Variants in NKAIN2 observed in about 807,000 individuals in gnomAD.
The protein encoded by NKAIN2 is sodium/potassium-transporting ATPase subunit beta-1-interacting protein 2.
NKAIN2 carries 14 observed loss-of-function variants against 32.6 expected under a neutral mutation model. The ratio of observed to expected loss-of-function variants is 0.43; its 90% confidence interval spans 0.28 to 0.67. The LOEUF (loss-of-function observed/expected upper bound fraction) is 0.67, where lower values mean the gene tolerates loss of function less well. Ranked by LOEUF, NKAIN2 falls within the 30% of genes least tolerant of loss-of-function variation. The pLI, the probability that NKAIN2 is intolerant of heterozygous loss-of-function variation, is 0.17. For missense variants in NKAIN2, 198 were observed against 258.3 expected (o/e 0.77, Z 1.60); for synonymous variants, 80 against 87.2 (o/e 0.92, Z 0.46).
At chr6:124,045,439 G>C (rs1477767415) in intron 1 of NKAIN2, among the ~76,000 whole-genome samples, 4 of 151,982 alleles carry the variant, frequency 2.6e-5, no homozygotes, top group African/African-American at 9.7e-5. Flanking sequence ...ATAAGAACTG[G>C]TCTGTTTTAC....
chr6:124,148,538 C>A (rs1349558703), intron 1 of NKAIN2, among the ~76,000 whole-genome samples: 2 of 151,226 alleles, frequency 1.3e-5, no homozygotes. Flanking sequence ...ACTATTTTTT[C>A]TTCTTAAAAA....
At chr6:124,694,366 C>T (rs1774394976) in intron 4 of NKAIN2, among the ~76,000 whole-genome samples, 1 of 152,212 alleles carries the variant, frequency 6.6e-6, no homozygotes, top group African/African-American at 2.4e-5. Context: ...ATCCACCCCC[C>T]AACCCTTTCA....
At chr6:123,854,385 C>T (rs1562221038) in intron 1 of NKAIN2, among the ~76,000 whole-genome samples, 1 of 152,142 alleles carries the variant, frequency 6.6e-6, no homozygotes, top group Non-Finnish European at 1.5e-5. Flanking sequence ...ACATATGCTG[C>T]ATGCCAAGTT....
At chr6:124,493,706 A>ACC (rs145974986) in intron 3 of NKAIN2, among the ~76,000 whole-genome samples, 1,249 of 98,178 alleles carry the variant, frequency 0.013, 33 homozygotes, top group African/African-American at 0.049. Flanking sequence ...CTGCACACCA[A>ACC]CCCCCCCCTC....
At chr6:124,245,626 T>G (rs1793357327) in intron 1 of NKAIN2, among the ~76,000 whole-genome samples, 1 of 152,058 alleles carries the variant, frequency 6.6e-6, no homozygotes, top group African/African-American at 2.4e-5. Context: ...TAAAATTAAC[T>G]TTCTCTGAAA....
chr6:124,321,739 T>A (rs1484380462), intron 2 of NKAIN2, among the ~76,000 whole-genome samples: 2 of 152,166 alleles, frequency 1.3e-5, no homozygotes, highest in Admixed American at 6.5e-5. Context: ...TTGCAGTTCA[T>A]CCCTGGACTT....
chr6:124,225,356 C>A (rs917637460), intron 1 of NKAIN2, among the ~76,000 whole-genome samples: 1 of 151,964 alleles, frequency 6.6e-6, no homozygotes, highest in African/African-American at 2.4e-5. Flanking sequence ...AAGTTTCATA[C>A]AAAGATATTC....
chr6:124,184,737 C>G (rs76997564), intron 1 of NKAIN2, among the ~76,000 whole-genome samples: 1 of 152,064 alleles, frequency 6.6e-6, no homozygotes, highest in Non-Finnish European at 1.5e-5. Context: ...TGAAAAACAT[C>G]CCAGATCAAC....
intron 4 of NKAIN2, among the ~76,000 whole-genome samples, chr6:124,703,224 A>G (rs1774888129): frequency 6.6e-6 from 1 of 152,006 alleles, no homozygotes; most frequent in African/African-American, 2.4e-5. Context: ...TACTCTGGGA[A>G]TTTTCAAAAG....
At chr6:123,830,039 G>T (rs1170670399) in intron 1 of NKAIN2, among the ~76,000 whole-genome samples, 1 of 152,130 alleles carries the variant, frequency 6.6e-6, no homozygotes, top group African/African-American at 2.4e-5. Flanking sequence ...AACCTTAAAT[G>T]TTAGGGAAAT....
chr6:124,541,294 T>G (rs17051959), intron 3 of NKAIN2, among the ~76,000 whole-genome samples: 2,109 of 152,256 alleles, frequency 0.014, 47 homozygotes, highest in African/African-American at 0.048. Context: ...AAATATTGAG[T>G]GTTTTGGTCA....
At chr6:123,952,587 T>C (rs1362048030) in intron 1 of NKAIN2, among the ~76,000 whole-genome samples, 1 of 152,202 alleles carries the variant, frequency 6.6e-6, no homozygotes, top group African/African-American at 2.4e-5. Flanking sequence ...TAAAACATTC[T>C]TTTTAATTTG....
At chr6:124,297,442 T>C (rs1484268543) in intron 2 of NKAIN2, among the ~76,000 whole-genome samples, 1 of 152,132 alleles carries the variant, frequency 6.6e-6, no homozygotes, top group Non-Finnish European at 1.5e-5. Flanking sequence ...ATCTTCATGT[T>C]GAGTAGGCTG....
At chr6:124,625,169 C>T (rs946623692) in intron 3 of NKAIN2, among the ~76,000 whole-genome samples, 3 of 70,906 alleles carry the variant, frequency 4.2e-5, no homozygotes, top group Non-Finnish European at 8.3e-5. Flanking sequence ...CACTTAATTA[C>T]AATAATTATC....
At chr6:124,338,081 G>A (rs1194570078) in intron 2 of NKAIN2, among the ~76,000 whole-genome samples, 2 of 152,060 alleles carry the variant, frequency 1.3e-5, no homozygotes, top group African/African-American at 2.4e-5. Flanking sequence ...CTTATCACAA[G>A]GGGAAAGGAC....
At chr6:124,260,663 A>G (rs1389201963) in intron 1 of NKAIN2, among the ~76,000 whole-genome samples, 1 of 152,132 alleles carries the variant, frequency 6.6e-6, no homozygotes, top group African/African-American at 2.4e-5. Context: ...CTGACATGGG[A>G]AGCCACTGGA....
intron 3 of NKAIN2, among the ~76,000 whole-genome samples, chr6:124,435,162 G>A (rs1269737483): frequency 2.0e-5 from 3 of 152,068 alleles, no homozygotes; most frequent in Non-Finnish European, 4.4e-5. Context: ...GCTGAAATCT[G>A]GATAACTAGA....
chr6:124,424,984 C>T (rs1774920053), intron 3 of NKAIN2, among the ~76,000 whole-genome samples: 2 of 152,096 alleles, frequency 1.3e-5, no homozygotes, highest in South Asian at 2.1e-4. Context: ...AACCTCCAAA[C>T]AGTTTTCCCT....
At chr6:124,223,068 CCGGGCATGGTGG>C (rs752856662) in intron 1 of NKAIN2, among the ~76,000 whole-genome samples, 2 of 151,802 alleles carry the variant, frequency 1.3e-5, no homozygotes, top group African/African-American at 4.8e-5. Flanking sequence ...AAAAAATTAG[CCGGGCATGGTGG>C]CGGGCACCTG....
Sources: gnomAD v4.1 joint callset for allele counts (sites outside exome capture counted in the v4.1 genomes callset) on GRCh38, gnomAD v4.1.1 for gene constraint, MANE v1.5 for transcripts, NCBI Gene and HGNC (gene_info 2026-07-23, HGNC 2026-07-21) for gene names.